FGD4: variants seen among roughly 807,000 people sequenced by gnomAD.
FGD4 encodes FYVE, RhoGEF and PH domain-containing protein 4.
A neutral mutation model predicts 102.0 loss-of-function variants in FGD4; 42 were observed. That is an observed-to-expected ratio of 0.41 (90% CI 0.32 to 0.53). The LOEUF (loss-of-function observed/expected upper bound fraction) is 0.53. Among genes scored for constraint, FGD4 ranks in the 20% least tolerant of loss-of-function variants. The probability of loss-of-function intolerance (pLI) is 0.21; values close to 1 mark genes in which losing one functional copy is unlikely to be tolerated. For synonymous variants in FGD4, 380 were observed against 375.7 expected, an observed-to-expected ratio of 1.01 and a Z score of -0.13; for missense variants, 902 against 1,078.2, an observed-to-expected ratio of 0.84 and a Z score of 2.29.
At chr12:32,547,545 G>A (rs1309601195) in intron 1 of FGD4, among the ~76,000 whole-genome samples, 1 of 152,230 alleles carries the variant, frequency 6.6e-6, no homozygotes, top group East Asian at 1.9e-4. Context: ...ATTCTTGAGT[G>A]GAGTAAATGA....
At chr12:32,407,075 T>G (rs2136387057) in intron 1 of FGD4, among the ~76,000 whole-genome samples, 1 of 148,906 alleles carries the variant, frequency 6.7e-6, no homozygotes, top group African/African-American at 2.5e-5. Flanking sequence ...CCTCCCAAAG[T>G]GCTGGGATTA....
intron 1 of FGD4, among the ~76,000 whole-genome samples, chr12:32,473,944 C>T (rs1416361717): frequency 9.9e-5 from 15 of 151,920 alleles, no homozygotes; most frequent in African/African-American, 2.9e-4. Context: ...AAAACTTAGC[C>T]GAGCATGGTG....
intron 1 of FGD4, among the ~76,000 whole-genome samples, chr12:32,516,598 C>T (rs1481480298): frequency 3.3e-5 from 5 of 152,150 alleles, no homozygotes; most frequent in African/African-American, 4.8e-5. Flanking sequence ...TACATTGATG[C>T]ATATGTAAAC....
At chr12:32,563,334 G>T (rs936520713) in intron 1 of FGD4, among the ~76,000 whole-genome samples, 1 of 151,322 alleles carries the variant, frequency 6.6e-6, no homozygotes, top group South Asian at 2.1e-4. Flanking sequence ...GGTCGCGGCC[G>T]GGCAGGGGCG....
intron 1 of FGD4, among the ~76,000 whole-genome samples, chr12:32,551,267 A>G (rs1943649412): frequency 6.6e-6 from 1 of 152,206 alleles, no homozygotes; most frequent in African/African-American, 2.4e-5. Context: ...AGGAGGCTGG[A>G]GGAGCAGAGA....
intron 1 of FGD4, among the ~76,000 whole-genome samples, chr12:32,402,040 C>G (rs1940691918): frequency 6.7e-6 from 1 of 150,318 alleles, no homozygotes; most frequent in East Asian, 2.0e-4. Context: ...GTAGCTGGGA[C>G]TACAGGCGCC....
chr12:32,641,251 T>A lies in FGD4; in HGVS notation c.*718T>A, dbSNP rs1951143393. ...GGTTTATCGTGGAATTGAGCAATGT[T>A]CTAAACTGAAGAAATGTTTTGGTGA... On this transcript the variant is annotated 3_prime_UTR_variant, in exon 17 of 17. Transcript: ENST00000534526. 6.6e-6 allele frequency: 1 copy of A among 152,182 alleles called. No individual in the cohort carries two copies. The highest frequency in any genetic ancestry group is 2.4e-5 in the African/African-American group (1 of 41,460). 9.4% of individuals were successfully genotyped at this position (152,182 alleles called of 1,614,324 possible).
Position 32,445,759 on chromosome 12 carries a change from T to G in FGD4, c.166+45800T>G, listed in dbSNP as rs962384014. On this transcript the variant is annotated intron_variant, in intron 1 of 16. Coordinates refer to ENST00000534526, the MANE Select transcript of FGD4 (RefSeq NM_001370298.3). The stretch of plus-strand genomic sequence containing the variant: ...TTTCCAAGGGCCTAAAATTTCTTTG[T>G]TAAACACAGATTCAAAATAACTGTA... Among the ~76,000 whole-genome samples the G allele has an allele frequency of 1.2e-4, 19 of 152,316 alleles. 1 individual carries two copies. The highest frequency in any genetic ancestry group is 3.8e-4 in the African/African-American group (16 of 41,576).
At chr12:32,577,343 T>C (rs144324007) in intron 3 of FGD4, among the ~76,000 whole-genome samples, 138 of 152,370 alleles carry the variant, frequency 9.1e-4, no homozygotes, top group African/African-American at 3.2e-3. Flanking sequence ...TTTCATTCAT[T>C]TCAGTGTAAT....
intron 2 of FGD4, among the ~76,000 whole-genome samples, chr12:32,573,629 TATC>T (rs1307658051): frequency 5.9e-5 from 9 of 152,386 alleles, no homozygotes; most frequent in Admixed American, 3.9e-4. Flanking sequence ...GTCATTCATG[TATC>T]ATCTTCAGAT....
chr12:32,630,404 G>A (rs555018847), intron 14 of FGD4, among the ~76,000 whole-genome samples: 140 of 152,246 alleles, frequency 9.2e-4, no homozygotes, highest in Non-Finnish European at 1.5e-3. Context: ...AGCTGGGCAT[G>A]GTAGCTCACA....
chr12:32,484,248 A>G (rs548395983), intron 1 of FGD4, among the ~76,000 whole-genome samples: 7 of 152,288 alleles, frequency 4.6e-5, no homozygotes, highest in African/African-American at 1.2e-4. Flanking sequence ...TATTTCTCCA[A>G]GTAGTTTTCT....
intron 3 of FGD4, 45 bp from the exon 4 acceptor site, chr12:32,581,915 T>C (rs1946649191): frequency 6.2e-7 from 1 of 1,608,344 alleles, no homozygotes; most frequent in Non-Finnish European, 8.5e-7. Flanking sequence ...TCTAGAACTT[T>C]TCCATACCAA....
intron 4 of FGD4, among the ~76,000 whole-genome samples, chr12:32,583,160 G>C (rs1946747531): frequency 6.6e-6 from 1 of 152,100 alleles, no homozygotes; most frequent in Non-Finnish European, 1.5e-5. Context: ...AACATGGTGA[G>C]AGCCCATATC....
At chr12:32,531,256 C>A (rs1293797893) in intron 1 of FGD4, among the ~76,000 whole-genome samples, 3 of 151,736 alleles carry the variant, frequency 2.0e-5, no homozygotes, top group Non-Finnish European at 2.9e-5. Flanking sequence ...GCCCTCCTAG[C>A]CTCTTTTTTA....
At chr12:32,492,823 G>A (rs1371707875) in intron 1 of FGD4, among the ~76,000 whole-genome samples, 2 of 152,146 alleles carry the variant, frequency 1.3e-5, no homozygotes, top group East Asian at 1.9e-4. Context: ...AGTTCATAGA[G>A]TTTTTTAAAA....
Position 32,399,968 on chromosome 12 carries a change from C to T in FGD4, c.166+9C>T. On this transcript the variant is annotated intron_variant, in intron 1 of 16. Transcript: ENST00000534526. ...GCCCTCAGGAGCCACAGGTAAGCGC[C>T]TCGGGGCGCGGGGGAAGGGTGGCCC... is the stretch of plus-strand genomic sequence containing the variant. 3.4e-6 allele frequency: 5 copies of T among 1,453,224 alleles called. No individual in the cohort carries two copies. The highest frequency in any genetic ancestry group is 1.4e-5 in the South Asian group (1 of 73,720). 90.0% of individuals were successfully genotyped at this position (1,453,224 alleles called of 1,614,324 possible).
intron 1 of FGD4, among the ~76,000 whole-genome samples, chr12:32,553,212 A>G (rs967610480): frequency 6.6e-6 from 1 of 152,124 alleles, no homozygotes; most frequent in African/African-American, 2.4e-5. Context: ...TATTGTAGCA[A>G]TACACAGTCT....
At chr12:32,462,253 T>G (rs965467090) in intron 1 of FGD4, among the ~76,000 whole-genome samples, 16 of 152,062 alleles carry the variant, frequency 1.1e-4, no homozygotes, top group African/African-American at 3.9e-4. Context: ...ACCTCCCTGG[T>G]TCAAGCAATT....
Sources: gnomAD v4.1 joint callset for allele counts (sites outside exome capture counted in the v4.1 genomes callset) on GRCh38, gnomAD v4.1.1 for gene constraint, MANE v1.5 for transcripts, NCBI Gene and HGNC (gene_info 2026-07-23, HGNC 2026-07-21) for gene names.